SYT9: variants seen among roughly 807,000 people sequenced by gnomAD.
The protein encoded by SYT9 is synaptotagmin-9.
A neutral mutation model predicts 48.4 loss-of-function variants in SYT9; 22 were observed. The ratio of observed to expected loss-of-function variants is 0.45; its 90% CI spans 0.32 to 0.65. SYT9 has a LOEUF of 0.65. Ranked by LOEUF, SYT9 falls within the 30% of genes least tolerant of loss-of-function variation. The pLI, the probability that SYT9 is intolerant of heterozygous loss-of-function variation, is 0.03. For synonymous variants in SYT9, 265 were observed against 245.0 expected, an observed-to-expected ratio of 1.08 and a Z score of -0.76; for missense variants, 577 against 622.0, an observed-to-expected ratio of 0.93 and a Z score of 0.77.
rs1847617559 is a variant in SYT9, at chr11:7,432,580, AAAATATATATAC to A, written c.1467+11947_1467+11958del. The stretch of plus-strand genomic sequence containing the variant: ...AAAAAAAAAAAAAAAAAAAAAAAAA[AAAATATATATAC>A]ATATATATATATATATATATATATA... On this transcript the variant is annotated intron_variant, in intron 6 of 6. Transcript: ENST00000318881. Among the ~76,000 whole-genome samples the A allele has an allele frequency of 5.0e-3, 31 of 6,166 alleles. 1 individual carries two copies. Among genetic ancestry groups the A allele is most frequent in the Admixed American group, 0.013 (5 of 398 alleles). The allele number at this position is 6,166 out of a possible 152,430, so 4.0% of individuals were successfully genotyped here. A position where few individuals can be genotyped will look rare whatever the true frequency, so the allele number is the denominator to read the frequency against.
chr11:7,355,457 G>C (rs1484907759), intron 3 of SYT9, among the ~76,000 whole-genome samples: 1 of 152,222 alleles, frequency 6.6e-6, no homozygotes, highest in Non-Finnish European at 1.5e-5. Flanking sequence ...TATCTCTTCT[G>C]TTGATCTTTC....
intron 3 of SYT9, among the ~76,000 whole-genome samples, chr11:7,409,996 C>T (rs1395199542): frequency 6.6e-6 from 1 of 152,158 alleles, no homozygotes; most frequent in East Asian, 1.9e-4. Context: ...CTATGTCAAA[C>T]TTCCTCTTAA....
intron 3 of SYT9, among the ~76,000 whole-genome samples, chr11:7,318,333 T>A (rs1032447860): frequency 2.7e-5 from 4 of 150,312 alleles, no homozygotes; most frequent in Non-Finnish European, 5.9e-5. Context: ...TTTTTTTTTT[T>A]ATGGCATTTT....
chr11:7,398,315 T>C (rs1846797025), intron 3 of SYT9, among the ~76,000 whole-genome samples: 2 of 152,208 alleles, frequency 1.3e-5, no homozygotes, highest in Non-Finnish European at 2.9e-5. Flanking sequence ...TCAGAATACA[T>C]GTCCTTTTTA....
intron 6 of SYT9, among the ~76,000 whole-genome samples, chr11:7,442,106 C>T (rs1279231466): frequency 2.6e-5 from 4 of 152,150 alleles, no homozygotes; most frequent in Non-Finnish European, 4.4e-5. Flanking sequence ...AGACCAGCAG[C>T]GCCCACTGAG....
At chr11:7,260,370 A>G (rs1336547764) in intron 1 of SYT9, among the ~76,000 whole-genome samples, 5 of 152,192 alleles carry the variant, frequency 3.3e-5, no homozygotes, top group African/African-American at 1.2e-4. Context: ...TGGGAAGAGC[A>G]TTCTAGGAAT....
intron 3 of SYT9, among the ~76,000 whole-genome samples, chr11:7,334,581 A>G (rs1461975306): frequency 6.7e-6 from 1 of 150,000 alleles, no homozygotes; most frequent in Admixed American, 6.7e-5. Context: ...TAATGAACGT[A>G]TCTGTCACCT....
At chr11:7,286,246 G>T (rs901507734) in intron 1 of SYT9, among the ~76,000 whole-genome samples, 1 of 152,142 alleles carries the variant, frequency 6.6e-6, no homozygotes, top group African/African-American at 2.4e-5. Flanking sequence ...GAAATCCCAT[G>T]TCTTCTGCAC....
At chr11:7,362,601 A>C (rs1383402274) in intron 3 of SYT9, among the ~76,000 whole-genome samples, 1 of 152,202 alleles carries the variant, frequency 6.6e-6, no homozygotes, top group Non-Finnish European at 1.5e-5. Context: ...GTTAGGCTGA[A>C]AAATTGGTAG....
At chr11:7,428,341 G>A (rs918368301) in intron 6 of SYT9, among the ~76,000 whole-genome samples, 2 of 152,214 alleles carry the variant, frequency 1.3e-5, no homozygotes, top group African/African-American at 4.8e-5. Context: ...ATAGGAAGGT[G>A]GATGACAATG....
chr11:7,418,659 C>G (rs1847295357), intron 5 of SYT9, among the ~76,000 whole-genome samples: 2 of 152,220 alleles, frequency 1.3e-5, no homozygotes, highest in Admixed American at 6.5e-5. Context: ...CCTGAAAGTG[C>G]TAGAATCAGT....
chr11:7,292,382 A>G (rs1278501858), intron 1 of SYT9, among the ~76,000 whole-genome samples: 1 of 152,230 alleles, frequency 6.6e-6, no homozygotes, highest in Admixed American at 6.5e-5. Flanking sequence ...GCACTGTGAC[A>G]GGTTTTATAC....
At chr11:7,361,884 T>A (rs1328613845) in intron 3 of SYT9, among the ~76,000 whole-genome samples, 1 of 152,186 alleles carries the variant, frequency 6.6e-6, no homozygotes, top group East Asian at 1.9e-4. Context: ...CATATCCTTC[T>A]AATTTCCTAT....
intron 5 of SYT9, among the ~76,000 whole-genome samples, chr11:7,418,699 A>G (rs1847296128): frequency 6.6e-6 from 1 of 152,240 alleles, no homozygotes; most frequent in Non-Finnish European, 1.5e-5. Context: ...AAAATGTATA[A>G]GATGCTCAAC....
At chr11:7,282,433 T>C (rs1848513172) in intron 1 of SYT9, among the ~76,000 whole-genome samples, 1 of 152,124 alleles carries the variant, frequency 6.6e-6, no homozygotes, top group Non-Finnish European at 1.5e-5. Flanking sequence ...AATGGAACCA[T>C]GACTGAGGGG....
chr11:7,462,745 T>C (rs1030983428), intron 6 of SYT9, among the ~76,000 whole-genome samples: 5 of 152,224 alleles, frequency 3.3e-5, no homozygotes, highest in African/African-American at 4.8e-5. Context: ...CATAATAAGA[T>C]TAAATCATGT....
At chr11:7,241,628 G>A (rs773650981) in intron 1 of SYT9, among the ~76,000 whole-genome samples, 2 of 152,218 alleles carry the variant, frequency 1.3e-5, no homozygotes, top group Non-Finnish European at 2.9e-5. Context: ...ATCATGGATT[G>A]ATTGATTAGT....
chr11:7,303,196 C>T lies in SYT9; in HGVS notation c.303C>T (p.Tyr101=), dbSNP rs1176270982. 6.2e-7 allele frequency: 1 copy of T among 1,614,182 alleles called. No individual in the cohort carries two copies. Among genetic ancestry groups the T allele is most frequent in the South Asian group, 1.1e-5 (1 of 91,072 alleles). Residue 101 remains tyrosine, a synonymous_variant, in exon 2 of 7, where the codon TAC becomes TAT. Transcript: ENST00000318881. ...ACAACAACCAGGAGCCCCTTAACTA[C>T]ATGGACACAGAGACCAATGAGCAGG... ...SKDNNQEPLN[Y]MDTETNEQEN...
intron 2 of SYT9, among the ~76,000 whole-genome samples, chr11:7,312,361 C>A (rs917052873): frequency 1.3e-5 from 2 of 152,172 alleles, no homozygotes; most frequent in African/African-American, 4.8e-5. Flanking sequence ...TAAGAGACAT[C>A]CCAGCTGTTC....
Sources: allele counts gnomAD v4.1 joint callset (sites outside exome capture counted in the v4.1 genomes callset), GRCh38; gene constraint gnomAD v4.1.1; transcripts MANE v1.5; gene names NCBI Gene and HGNC (gene_info 2026-07-23, HGNC 2026-07-21).